Variants in DOCK10 observed in about 807,000 individuals in gnomAD.
DOCK10 encodes the protein dedicator of cytokinesis 10.
A neutral mutation model predicts 280.1 loss-of-function variants in DOCK10; 145 were observed. The observed-to-expected ratio is 0.52, with a 90% confidence interval of 0.45 to 0.59. DOCK10 has a LOEUF of 0.59. DOCK10 is among the 20% of genes least tolerant of loss of function. DOCK10 has a pLI of 0.00. For synonymous variants in DOCK10, 915 were observed against 942.2 expected (o/e 0.97, Z 0.53); for missense variants, 2,368 against 2,651.7 (o/e 0.89, Z 2.35).
At chr2:224,915,733 C>A (rs1701272466) in intron 3 of DOCK10, among the ~76,000 whole-genome samples, 1 of 152,150 alleles carries the variant, frequency 6.6e-6, no homozygotes. Flanking sequence ...AATTTTGTCA[C>A]CATATTTTCT....
chr2:224,775,211 T>TG, intron 51 of DOCK10, 96 bp from the exon 52 acceptor site: 1 of 1,118,936 alleles, frequency 8.9e-7, no homozygotes, highest in Non-Finnish European at 1.3e-6. Flanking sequence ...CAGAGGAGGC[T>TG]GTGCCTCTCC....
chr2:224,785,549 C>T (rs376982733), intron 50 of DOCK10, among the ~76,000 whole-genome samples: 4 of 152,116 alleles, frequency 2.6e-5, no homozygotes, highest in East Asian at 1.9e-4. Flanking sequence ...GGCGCGATCT[C>T]GGCTCACTGC....
intron 50 of DOCK10, among the ~76,000 whole-genome samples, chr2:224,779,720 A>G (rs1303608246): frequency 1.3e-5 from 2 of 152,318 alleles, no homozygotes; most frequent in East Asian, 3.9e-4. Context: ...CATCTGTATG[A>G]TGCTTTATAC....
chr2:224,842,872 T>A (rs1425661148), intron 22 of DOCK10, among the ~76,000 whole-genome samples: 1 of 152,090 alleles, frequency 6.6e-6, no homozygotes, highest in Non-Finnish European at 1.5e-5. Context: ...GATGAGCACT[T>A]CAAACACAAA....
At chr2:225,006,508 G>A (rs1017934847) in intron 1 of DOCK10, among the ~76,000 whole-genome samples, 1 of 152,176 alleles carries the variant, frequency 6.6e-6, no homozygotes, top group Non-Finnish European at 1.5e-5. Context: ...TCCTCTCAAT[G>A]CTTCCAATCA....
intron 1 of DOCK10, among the ~76,000 whole-genome samples, chr2:224,934,498 G>T (rs1702572620): frequency 1.3e-5 from 2 of 152,212 alleles, no homozygotes; most frequent in African/African-American, 2.4e-5. Context: ...AGTGTCTAGA[G>T]CCTGGGATTA....
intron 1 of DOCK10, among the ~76,000 whole-genome samples, chr2:225,036,962 A>G (rs13421842): frequency 0.28 from 42,455 of 151,030 alleles, 6,533 homozygotes; most frequent in African/African-American, 0.4. Context: ...TGTTGTTGTC[A>G]TCTCACATGC....
At chr2:224,837,916 T>C in intron 24 of DOCK10, 85 bp from the exon 25 acceptor site, 1 of 1,050,132 alleles carries the variant, frequency 9.5e-7, no homozygotes. Flanking sequence ...CTTTGTAAAT[T>C]GGGTATTTAA....
intron 2 of DOCK10, among the ~76,000 whole-genome samples, chr2:224,922,011 C>T (rs554897486): frequency 1.3e-5 from 2 of 151,288 alleles, no homozygotes; most frequent in Admixed American, 6.6e-5. Flanking sequence ...CCCAGCTACT[C>T]GAGAGGCTGA....
At chr2:224,973,664 A>T (rs1437635483) in intron 1 of DOCK10, among the ~76,000 whole-genome samples, 1 of 152,190 alleles carries the variant, frequency 6.6e-6, no homozygotes, top group African/African-American at 2.4e-5. Flanking sequence ...ACTGTAAGAC[A>T]ATATGTGTGT....
chr2:224,846,617 C>T (rs977763780), intron 19 of DOCK10, among the ~76,000 whole-genome samples: 4 of 151,938 alleles, frequency 2.6e-5, no homozygotes, highest in Non-Finnish European at 5.9e-5. Context: ...CTGCCTCAGC[C>T]TCCCGAGTAG....
rs534365730 is a variant in DOCK10, at chr2:225,016,698, T to C, written c.123+25554A>G. Among the ~76,000 whole-genome samples, 303 of 147,320 alleles carry C rather than the reference T, an allele frequency of 2.1e-3. 4 individuals are homozygous for C. The highest frequency in any genetic ancestry group is 7.1e-3 in the African/African-American group (286 of 40,106). ...ATGTGCACATAGATATATGTGTATA[T>C]ATATAGACATAATTTTTTTTTTGAG... On this transcript the variant is annotated intron_variant, in intron 1 of 55. Coordinates refer to ENST00000258390, the MANE Select transcript of DOCK10 (RefSeq NM_014689.3).
intron 1 of DOCK10, among the ~76,000 whole-genome samples, chr2:224,935,442 G>C (rs1702629255): frequency 1.3e-5 from 2 of 152,186 alleles, no homozygotes; most frequent in Non-Finnish European, 2.9e-5. Context: ...AAAATCCAAA[G>C]TATAAAGTAG....
At chr2:225,040,340 C>T (rs927307724) in intron 1 of DOCK10, among the ~76,000 whole-genome samples, 2 of 152,134 alleles carry the variant, frequency 1.3e-5, no homozygotes, top group Non-Finnish European at 2.9e-5. Flanking sequence ...AATGTCTTGG[C>T]AAAAGCTAGT....
At position 224,787,523 on chromosome 2, in the gene DOCK10, G is replaced by A. The variant is rs974837927; in HGVS notation, c.5419-126C>T. On this transcript the variant is annotated intron_variant, in intron 48 of 55. Transcript: ENST00000258390. ...TGTTACTGGCATTTAAAACCCAGCA[G>A]GGGATCGTGGTGTCATCTTGGATTC... The A allele has an allele frequency of 4.2e-6, 5 of 1,182,542 alleles. No individual in the cohort carries two copies. The African/African-American group carries it at 6.1e-5, about 14-fold the overall frequency. 73.3% of individuals were successfully genotyped at this position (1,182,542 alleles called of 1,614,324 possible). A position where few individuals can be genotyped will look rare whatever the true frequency, so the allele number is the denominator to read the frequency against.
chr2:224,801,158 G>T (rs140047641), intron 40 of DOCK10, among the ~76,000 whole-genome samples: 1 of 151,830 alleles, frequency 6.6e-6, no homozygotes, highest in Non-Finnish European at 1.5e-5. Flanking sequence ...TGAAAAAGGT[G>T]CCAGACTCTC....
At chr2:224,819,376 C>T (rs1445371266) in intron 29 of DOCK10, 70 bp downstream of exon 29, 1 of 1,028,338 alleles carries the variant, frequency 9.7e-7, no homozygotes, top group African/African-American at 1.6e-5. Context: ...AGCAGGTATC[C>T]ACAGAGACTA....
At chr2:225,024,674 G>A (rs1384923960) in intron 1 of DOCK10, among the ~76,000 whole-genome samples, 1 of 151,570 alleles carries the variant, frequency 6.6e-6, no homozygotes, top group Non-Finnish European at 1.5e-5. Flanking sequence ...CGGATGCCAG[G>A]AGTTTGAGAC....
intron 15 of DOCK10, among the ~76,000 whole-genome samples, chr2:224,856,308 T>C (rs1322064877): frequency 1.3e-5 from 2 of 152,134 alleles, no homozygotes; most frequent in Non-Finnish European, 2.9e-5. Flanking sequence ...TTTTTTTATG[T>C]TTATAACAGA....
Sources: allele counts gnomAD v4.1 joint callset (sites outside exome capture counted in the v4.1 genomes callset), GRCh38; gene constraint gnomAD v4.1.1; transcripts MANE v1.5; gene names NCBI Gene and HGNC (gene_info 2026-07-23, HGNC 2026-07-21).